Variants in PCDHA13 observed in about 807,000 individuals in gnomAD.
PCDHA13 encodes the protein protocadherin alpha 13.
Under a neutral mutation model 64.8 loss-of-function variants are expected in PCDHA13, and 54 were observed. The observed-to-expected ratio is 0.83, with a 90% confidence interval of 0.67 to 1.04. The LOEUF (loss-of-function observed/expected upper bound fraction) is 1.04, where lower values mean the gene tolerates loss of function less well. Among genes scored for constraint, PCDHA13 ranks in the 50% least tolerant of loss-of-function variants. PCDHA13 has a pLI of 0.00. For missense variants in PCDHA13, 1,248 were observed against 1,254.3 expected (o/e 0.99, Z 0.08); for synonymous variants, 587 against 564.4 (o/e 1.04, Z -0.57).
At chr5:140,980,397 C>T (rs888776890) in intron 2 of PCDHA13, among the ~76,000 whole-genome samples, 3 of 152,100 alleles carry the variant, frequency 2.0e-5, no homozygotes, top group South Asian at 2.1e-4. Context: ...TTTGGGAGGC[C>T]GAGGTGGGCA....
At chr5:140,970,156 T>G (rs933887683) in intron 1 of PCDHA13, among the ~76,000 whole-genome samples, 1 of 152,188 alleles carries the variant, frequency 6.6e-6, no homozygotes, top group Non-Finnish European at 1.5e-5. Flanking sequence ...CTCCCAATAG[T>G]CACCTTTCTT....
At chr5:140,968,519 A>C (rs1030847582) in intron 1 of PCDHA13, 1 of 1,614,008 alleles carries the variant, frequency 6.2e-7, no homozygotes, top group African/African-American at 1.3e-5. Flanking sequence ...CCCTACCTCA[A>C]CCAACTCGTC....
chr5:140,883,531 T>C lies in PCDHA13; in HGVS notation c.1263T>C (p.Tyr421=), dbSNP rs782406173. The C allele has an allele frequency of 6.8e-6, 11 of 1,614,092 alleles. No homozygotes were observed. Among genetic ancestry groups the C allele is most frequent in the Middle Eastern group, 1.6e-4 (1 of 6,072 alleles). ...SALDRESVSA[Y]ELVVTARDGG... The stretch of plus-strand genomic sequence containing the variant: ...TGGACCGCGAGAGCGTATCAGCCTA[T>C]GAACTGGTGGTGACCGCGCGGGACG... Residue 421 remains tyrosine (Y), a synonymous_variant, in exon 1 of 4, where the codon TAT becomes TAC. Transcript: ENST00000289272.
intron 1 of PCDHA13, among the ~76,000 whole-genome samples, chr5:140,917,501 A>G (rs557906425): frequency 6.6e-6 from 1 of 152,020 alleles, no homozygotes; most frequent in East Asian, 1.9e-4. Context: ...CCAGAATGAT[A>G]TTTTCTAGGT....
intron 1 of PCDHA13, among the ~76,000 whole-genome samples, chr5:140,938,949 G>A (rs943956831): frequency 6.6e-6 from 1 of 152,028 alleles, no homozygotes; most frequent in Non-Finnish European, 1.5e-5. Flanking sequence ...TTCTTATAAT[G>A]CTCTAGTCGG....
rs138821024 is a variant in PCDHA13, at chr5:140,968,111, C to T, written c.2395-10838C>T. ...AGCCACAGATGGGGGAATACCGCAG[C>T]TCACATCCCTGCGTACACTGAAGGT... On this transcript the variant is annotated intron_variant, in intron 1 of 3. Transcript: ENST00000289272. 533 of 1,614,062 alleles carry T rather than the reference C, an allele frequency of 3.3e-4. 1 individual carries two copies. The highest frequency in any genetic ancestry group is 4.1e-4 in the Non-Finnish European group (489 of 1,180,052).
chr5:140,938,843 C>G (rs1232774282), intron 1 of PCDHA13, among the ~76,000 whole-genome samples: 1 of 152,130 alleles, frequency 6.6e-6, no homozygotes, highest in East Asian at 1.9e-4. Context: ...AACAAACCTG[C>G]CCATGTACCC....
intron 1 of PCDHA13, among the ~76,000 whole-genome samples, chr5:140,969,939 G>A (rs188120855): frequency 4.6e-5 from 7 of 152,340 alleles, no homozygotes; most frequent in Admixed American, 2.6e-4. Context: ...ACATCATACT[G>A]AAGCTAAAGT....
At chr5:140,886,084 G>A (rs1554182347) in intron 1 of PCDHA13, among the ~76,000 whole-genome samples, 1 of 152,140 alleles carries the variant, frequency 6.6e-6, no homozygotes, top group Non-Finnish European at 1.5e-5. Context: ...CCACAACCTG[G>A]ATATTGACAT....
intron 1 of PCDHA13, among the ~76,000 whole-genome samples, chr5:140,941,202 C>CCTTTCTTCCTTTCTTTCTTTCTTT (rs1394736170): frequency 4.2e-3 from 519 of 122,694 alleles, no homozygotes; most frequent in African/African-American, 7.8e-3. Flanking sequence ...TTTCTTTCTT[C>CCTTTCTTCCTTTCTTTCTTTCTTT]CTTTCTTTCT....
At chr5:140,890,700 A>T (rs1265643590) in intron 1 of PCDHA13, among the ~76,000 whole-genome samples, 1 of 152,214 alleles carries the variant, frequency 6.6e-6, no homozygotes, top group East Asian at 1.9e-4. Context: ...CAGGGACCTT[A>T]CATTTTTAAA....
chr5:140,928,643 T>C (rs2085399261), intron 1 of PCDHA13: 7 of 1,614,222 alleles, frequency 4.3e-6, no homozygotes, highest in Non-Finnish European at 5.9e-6. Context: ...ACAAAAGTGG[T>C]AGCAGAGGAT....
At chr5:140,951,751 C>T (rs1206749897) in intron 1 of PCDHA13, among the ~76,000 whole-genome samples, 2 of 152,112 alleles carry the variant, frequency 1.3e-5, no homozygotes, top group Non-Finnish European at 2.9e-5. Flanking sequence ...CCTCACCCTC[C>T]GCGAAATCTC....
At chr5:140,906,796 T>C (rs1021322398) in intron 1 of PCDHA13, among the ~76,000 whole-genome samples, 1 of 152,236 alleles carries the variant, frequency 6.6e-6, no homozygotes, top group African/African-American at 2.4e-5. Context: ...ATTCCATGCA[T>C]ACTCTTCCTT....
chr5:140,966,161 CT>C, intron 1 of PCDHA13: 1 of 175,442 alleles, frequency 5.7e-6, no homozygotes. Context: ...GCTTGGAGAT[CT>C]TTTCCTGGGG....
rs782439110 is a variant in PCDHA13, at chr5:140,882,332, G to A, written c.64G>A (p.Ala22Thr). 6.2e-7 allele frequency: 1 copy of A among 1,614,178 alleles called. No homozygotes were observed. The highest frequency in any genetic ancestry group is 8.5e-7 in the Non-Finnish European group (1 of 1,180,044). ...ACTACTGCTCTGGCTTCTGATCCTC[G>A]CAGCCTGGGAGACGGGTAGTGGCCA... ...RQLLLWLLIL[A>T]AWETGSGQLH... Residue 22 changes from alanine (A) to threonine (T), a missense_variant, in exon 1 of 4, where the codon GCA becomes ACA. Ala to Thr is a moderately conservative substitution (Grantham distance 58). Transcript: ENST00000289272.
chr5:140,984,656 G>A (rs1465387950), intron 3 of PCDHA13, among the ~76,000 whole-genome samples: 2 of 152,082 alleles, frequency 1.3e-5, no homozygotes, highest in Non-Finnish European at 2.9e-5. Context: ...TGTCCTTCTG[G>A]TACTTTTAGG....
intron 1 of PCDHA13, among the ~76,000 whole-genome samples, chr5:140,938,353 C>G (rs2092034112): frequency 6.6e-6 from 1 of 152,138 alleles, no homozygotes; most frequent in Admixed American, 6.5e-5. Flanking sequence ...TGTCTTATTC[C>G]TGGTCTCAGA....
rs560557725 is a variant in PCDHA13, at chr5:141,005,418, G to T, written c.2543-4209G>T. Among the ~76,000 whole-genome samples, 149 of 152,250 alleles carry T rather than the reference G, an allele frequency of 9.8e-4. 1 individual carries two copies. The highest frequency in any genetic ancestry group is 3.5e-3 in the African/African-American group (145 of 41,544). On this transcript the variant is annotated intron_variant, in intron 3 of 3. Transcript: ENST00000289272. ...ACAGACTTGAAGAGTGAGGAGTCAT[G>T]CTAAGAATGGATGAGAGGCTCACGC...
Sources: allele counts gnomAD v4.1 joint callset (sites outside exome capture counted in the v4.1 genomes callset), GRCh38; gene constraint gnomAD v4.1.1; transcripts MANE v1.5; gene names NCBI Gene and HGNC (gene_info 2026-07-23, HGNC 2026-07-21).